Variants in PRELID2 observed in about 807,000 individuals in gnomAD.
PRELID2 encodes PRELI domain containing 2, also known as PRELI domain-containing protein 2.
Under a neutral mutation model 28.4 loss-of-function variants are expected in PRELID2, and 25 were observed. The observed-to-expected ratio is 0.88, with a 90% confidence interval of 0.64 to 1.23. The LOEUF (loss-of-function observed/expected upper bound fraction) is 1.23, where lower values mean the gene tolerates loss of function less well. Among genes scored for constraint, PRELID2 ranks in the 50% most tolerant of loss-of-function variants. The pLI, the probability that PRELID2 is intolerant of heterozygous loss-of-function variation, is 0.00. For missense variants in PRELID2, 201 were observed against 214.4 expected, an observed-to-expected ratio of 0.94 and a Z score of 0.39; for synonymous variants, 76 against 71.6, an observed-to-expected ratio of 1.06 and a Z score of -0.31.
chr5:145,239,723 ATAAGAGTCCT>A, the PRELID2 span, among the ~76,000 whole-genome samples: 2 of 151,996 alleles, frequency 1.3e-5, no homozygotes, highest in Non-Finnish European at 2.9e-5. Context: ...TTTTTAACCC[ATAAGAGTCCT>A]TAAGAAATTC....
intron 1 of PRELID2, among the ~76,000 whole-genome samples, chr5:145,824,274 T>A (rs1036579250): frequency 6.6e-6 from 1 of 151,988 alleles, no homozygotes; most frequent in Non-Finnish European, 1.5e-5. Flanking sequence ...ATCCATGACA[T>A]CACAAAGTGC....
chr5:145,620,806 C>T (rs527986146), intron 1 of PRELID2, among the ~76,000 whole-genome samples: 17 of 151,692 alleles, frequency 1.1e-4, no homozygotes, highest in East Asian at 5.8e-4. Flanking sequence ...CTTTGGGTGT[C>T]GGAGTAAGAC....
At chr5:145,365,549 G>T in the PRELID2 span, among the ~76,000 whole-genome samples, 1 of 151,852 alleles carries the variant, frequency 6.6e-6, no homozygotes, top group East Asian at 1.9e-4. Flanking sequence ...TAATTTTGGC[G>T]TATGTACCTG....
intron 1 of PRELID2, among the ~76,000 whole-genome samples, chr5:145,706,558 T>C (rs1368586541): frequency 6.6e-6 from 1 of 152,086 alleles, no homozygotes; most frequent in African/African-American, 2.4e-5. Flanking sequence ...ATGAACTTCA[T>C]AGGGGAAATA....
intron 1 of PRELID2, among the ~76,000 whole-genome samples, chr5:145,569,217 G>T (rs1425155151): frequency 6.6e-6 from 1 of 152,116 alleles, no homozygotes; most frequent in Non-Finnish European, 1.5e-5. Context: ...CAATCAAAGT[G>T]TCTCAAATGT....
At chr5:145,713,402 C>T (rs888314893) in intron 1 of PRELID2, among the ~76,000 whole-genome samples, 5 of 132,334 alleles carry the variant, frequency 3.8e-5, no homozygotes, top group African/African-American at 1.2e-4. Context: ...TGATATCTGA[C>T]TTTTATATAT....
chr5:145,797,892 C>A (rs1752875825), intron 4 of PRELID2, among the ~76,000 whole-genome samples: 1 of 151,894 alleles, frequency 6.6e-6, no homozygotes, highest in Non-Finnish European at 1.5e-5. Context: ...AAACAGAGAT[C>A]TATGAATTAC....
At chr5:145,536,684 C>T (rs895934902) in intron 1 of PRELID2, among the ~76,000 whole-genome samples, 5 of 151,886 alleles carry the variant, frequency 3.3e-5, no homozygotes, top group Non-Finnish European at 1.5e-5. Context: ...AGGCAGTTAA[C>T]TTAGTCCTGG....
At chr5:145,271,511 GCCC>G in the PRELID2 span, among the ~76,000 whole-genome samples, 1 of 152,022 alleles carries the variant, frequency 6.6e-6, no homozygotes, top group Non-Finnish European at 1.5e-5. Context: ...CCCATACTTG[GCCC>G]TATACCTATC....
intron 1 of PRELID2, among the ~76,000 whole-genome samples, chr5:145,578,915 G>A (rs1463294293): frequency 1.3e-5 from 2 of 152,014 alleles, no homozygotes; most frequent in Non-Finnish European, 2.9e-5. Flanking sequence ...GTTTATAGTT[G>A]GTAGTGGTAG....
intron 1 of PRELID2, among the ~76,000 whole-genome samples, chr5:145,597,787 T>C (rs559001524): frequency 6.6e-6 from 1 of 152,322 alleles, no homozygotes; most frequent in African/African-American, 2.4e-5. Context: ...ATACTGCACC[T>C]GCAAGATTTA....
intron 1 of PRELID2, among the ~76,000 whole-genome samples, chr5:145,502,320 A>G (rs1461765502): frequency 2.0e-5 from 3 of 152,150 alleles, no homozygotes; most frequent in Non-Finnish European, 4.4e-5. Flanking sequence ...CAGCACTGAG[A>G]GAATTGTGCT....
the PRELID2 span, among the ~76,000 whole-genome samples, chr5:145,258,745 G>A: frequency 6.6e-6 from 1 of 152,296 alleles, no homozygotes; most frequent in South Asian, 2.1e-4. Flanking sequence ...CTGTGTGGTA[G>A]AAAAGAAAAG....
chr5:145,720,571 A>C (rs1399225123), intron 1 of PRELID2, among the ~76,000 whole-genome samples: 2 of 152,072 alleles, frequency 1.3e-5, no homozygotes, highest in Non-Finnish European at 2.9e-5. Flanking sequence ...ATATGTAAAA[A>C]CTTGGAGAGT....
chr5:145,616,923 C>A (rs565682308), intron 1 of PRELID2, among the ~76,000 whole-genome samples: 1 of 152,064 alleles, frequency 6.6e-6, no homozygotes, highest in African/African-American at 2.4e-5. Flanking sequence ...CCATAAAAGA[C>A]GGCCACCCCC....
rs1757342399 is a variant in PRELID2 at position 145,758,882 on chromosome 5, C to T, written c.*1654G>A. On this transcript the variant is annotated 3_prime_UTR_variant, in exon 7 of 7. Transcript: ENST00000683046. ...TACAATAAGAACAGGCTCACAGTGG[C>T]AGGCTTGTATGAAAAAATACAATTG... 1 of 151,002 alleles carries T rather than the reference C, an allele frequency of 6.6e-6. No homozygotes were observed. The highest frequency in any genetic ancestry group is 1.5e-5 in the Non-Finnish European group (1 of 67,958). 9.4% of individuals were successfully genotyped at this position (151,002 alleles called of 1,614,324 possible).
rs1001666603 is a variant in PRELID2, at chr5:145,746,245, G to A, written n.70+18686C>T. ...CAAATTAGATAAAGAGTCAAGACCC[G>A]TCGGCGTGCTGTATTCAGGAGACCA... On this transcript the variant is annotated intron_variant and non_coding_transcript_variant, in intron 1 of 2. Coordinates refer to the PRELID2 transcript ENST00000510259. 9.9e-5 allele frequency among the ~76,000 whole-genome samples: 15 copies of A among 152,030 alleles called. 1 individual carries two copies. The highest frequency in any genetic ancestry group is 2.0e-4 in the Admixed American group (3 of 15,254).
chr5:145,331,891 T>C, the PRELID2 span, among the ~76,000 whole-genome samples: 3 of 152,232 alleles, frequency 2.0e-5, no homozygotes, highest in African/African-American at 7.2e-5. Flanking sequence ...TTGGCATGTT[T>C]TTGCAGTGGC....
the PRELID2 span, among the ~76,000 whole-genome samples, chr5:145,327,626 A>T: frequency 6.6e-6 from 1 of 151,914 alleles, no homozygotes; most frequent in Admixed American, 6.6e-5. Flanking sequence ...GATAGGTAAG[A>T]ATTTACTATT....
Sources: gnomAD v4.1 joint callset for allele counts (sites outside exome capture counted in the v4.1 genomes callset) on GRCh38, gnomAD v4.1.1 for gene constraint, MANE v1.5 for transcripts, NCBI Gene and HGNC (gene_info 2026-07-23, HGNC 2026-07-21) for gene names.